The following GRAMD1B variants were observed in gnomAD, a reference collection of about 807,000 sequenced individuals.
GRAMD1B encodes GRAM domain containing 1B, also known as protein Aster-B.
Under a neutral mutation model 99.7 loss-of-function variants are expected in GRAMD1B, and 37 were observed. The ratio of observed to expected loss-of-function variants is 0.37; its 90% CI spans 0.29 to 0.49. The LOEUF (loss-of-function observed/expected upper bound fraction) is 0.49. Among genes scored for constraint, GRAMD1B ranks in the 20% least tolerant of loss-of-function variants. The pLI is 0.98. For missense variants in GRAMD1B, 888 were observed against 1,009.2 expected, an observed-to-expected ratio of 0.88 and a Z score of 1.63; for synonymous variants, 427 against 387.6, an observed-to-expected ratio of 1.10 and a Z score of -1.19.
intron 1 of GRAMD1B, among the ~76,000 whole-genome samples, chr11:123,369,430 T>A (rs1946442423): frequency 6.6e-6 from 1 of 151,936 alleles, no homozygotes; most frequent in South Asian, 2.1e-4. Flanking sequence ...GGTAACAGAA[T>A]CTAGCAAAAA....
At chr11:123,432,589 G>A (rs1440290734) in intron 1 of GRAMD1B, among the ~76,000 whole-genome samples, 1 of 151,706 alleles carries the variant, frequency 6.6e-6, no homozygotes, top group Non-Finnish European at 1.5e-5. Flanking sequence ...ACCTGTGGGA[G>A]CCATTGGAAA....
intron 1 of GRAMD1B, among the ~76,000 whole-genome samples, chr11:123,369,046 G>A (rs1046016725): frequency 2.0e-5 from 3 of 152,304 alleles, no homozygotes; most frequent in Non-Finnish European, 4.4e-5. Flanking sequence ...TGTAATCCCA[G>A]CACTTTGGGA....
chr11:123,448,944 C>T (rs1159612528), intron 1 of GRAMD1B, among the ~76,000 whole-genome samples: 5 of 152,184 alleles, frequency 3.3e-5, no homozygotes, highest in Non-Finnish European at 5.9e-5. Flanking sequence ...CTTCTGTTCC[C>T]CTCCTGCTTC....
chr11:123,420,866 C>A (rs117035403), intron 1 of GRAMD1B, among the ~76,000 whole-genome samples: 2,379 of 152,294 alleles, frequency 0.016, 30 homozygotes, highest in Middle Eastern at 0.048. Flanking sequence ...TAACACTTAC[C>A]TCACAGGATT....
intron 3 of GRAMD1B, among the ~76,000 whole-genome samples, chr11:123,580,283 G>A (rs933945117): frequency 1.3e-5 from 2 of 152,224 alleles, no homozygotes; most frequent in African/African-American, 4.8e-5. Flanking sequence ...AGGGCCTGAA[G>A]TAGATGGTGC....
At chr11:123,583,754 A>G (rs989641008) in intron 3 of GRAMD1B, among the ~76,000 whole-genome samples, 2 of 152,166 alleles carry the variant, frequency 1.3e-5, no homozygotes, top group Admixed American at 6.5e-5. Context: ...TGCCCCACGC[A>G]GAACCCCCAG....
chr11:123,576,318 G>A (rs966729617), intron 2 of GRAMD1B, among the ~76,000 whole-genome samples: 4 of 152,208 alleles, frequency 2.6e-5, no homozygotes, highest in African/African-American at 7.2e-5. Context: ...TGCTGAGCAG[G>A]TGGGCAGGAC....
At chr11:123,440,133 G>A (rs1184121802) in intron 1 of GRAMD1B, among the ~76,000 whole-genome samples, 2 of 152,184 alleles carry the variant, frequency 1.3e-5, no homozygotes, top group African/African-American at 4.8e-5. Context: ...GAGTCTTCAA[G>A]CTTGTTGTCT....
intron 1 of GRAMD1B, among the ~76,000 whole-genome samples, chr11:123,391,299 C>A (rs1243202180): frequency 1.2e-4 from 18 of 152,124 alleles, no homozygotes; most frequent in African/African-American, 3.9e-4. Flanking sequence ...CTTACTCTTT[C>A]TCTCACCATT....
At chr11:123,405,318 C>T (rs1947818303) in intron 1 of GRAMD1B, among the ~76,000 whole-genome samples, 1 of 152,168 alleles carries the variant, frequency 6.6e-6, no homozygotes, top group Admixed American at 6.5e-5. Context: ...GACCCAACCA[C>T]TTGTCCTGCT....
intron 3 of GRAMD1B, among the ~76,000 whole-genome samples, chr11:123,583,622 C>T (rs1400445636): frequency 1.3e-5 from 2 of 152,144 alleles, no homozygotes; most frequent in African/African-American, 4.8e-5. Flanking sequence ...TCCCCTTCCT[C>T]CTGGGTCTGG....
intron 2 of GRAMD1B, among the ~76,000 whole-genome samples, chr11:123,488,050 T>C (rs1289202913): frequency 1.3e-5 from 2 of 152,208 alleles, no homozygotes; most frequent in African/African-American, 4.8e-5. Flanking sequence ...GATCAAGATT[T>C]GGGCATTCAG....
intron 2 of GRAMD1B, among the ~76,000 whole-genome samples, chr11:123,501,950 C>T (rs1252163097): frequency 6.6e-6 from 1 of 152,224 alleles, no homozygotes; most frequent in Admixed American, 6.5e-5. Context: ...GAGCTGTTGT[C>T]TTACCTTTCT....
intron 1 of GRAMD1B, among the ~76,000 whole-genome samples, chr11:123,375,527 TC>T (rs1462749441): frequency 6.6e-6 from 1 of 152,180 alleles, no homozygotes. Context: ...TTACTTTCCA[TC>T]CCCAAATGGC....
chr11:123,368,367 G>A (rs1311905351), intron 1 of GRAMD1B, among the ~76,000 whole-genome samples: 3 of 150,938 alleles, frequency 2.0e-5, no homozygotes, highest in African/African-American at 7.3e-5. Flanking sequence ...GAGATAAAAT[G>A]TACTGAAAAG....
chr11:123,452,841 T>C (rs569864609), intron 1 of GRAMD1B, among the ~76,000 whole-genome samples: 1 of 152,308 alleles, frequency 6.6e-6, no homozygotes, highest in East Asian at 1.9e-4. Flanking sequence ...GCTTCTCTTC[T>C]CCCTTTTTGC....
Position 123,627,220 on chromosome 11 carries a change from G to C in GRAMD1B, c.*4625G>C, listed in dbSNP as rs945896085. On this transcript the variant is annotated 3_prime_UTR_variant, in exon 20 of 20. Coordinates refer to ENST00000635736, the MANE Select transcript of GRAMD1B (RefSeq NM_001387025.1). ...CAATAAGACATTGCAGAAGCAAAAG[G>C]GTGGCCTCTGCTCCAGGCAAGGCAG... 9.2e-5 allele frequency: 14 copies of C among 152,252 alleles called. No homozygotes were observed. The highest frequency in any genetic ancestry group is 3.4e-4 in the African/African-American group (14 of 41,454). 9.4% of individuals were successfully genotyped at this position (152,252 alleles called of 1,614,324 possible). A position where few individuals can be genotyped will look rare whatever the true frequency, so the allele number is the denominator to read the frequency against.
At chr11:123,558,170 G>T (rs1946355672) in intron 2 of GRAMD1B, among the ~76,000 whole-genome samples, 1 of 151,690 alleles carries the variant, frequency 6.6e-6, no homozygotes, top group South Asian at 2.1e-4. Context: ...TTTTAGTAGA[G>T]ATGGGGTTTC....
intron 2 of GRAMD1B, among the ~76,000 whole-genome samples, chr11:123,546,016 G>A (rs370969783): frequency 1.3e-5 from 2 of 152,228 alleles, no homozygotes; most frequent in African/African-American, 4.8e-5. Context: ...AGGCAATGTG[G>A]ACAGCATCGG....
Sources: gnomAD v4.1 joint callset for allele counts (sites outside exome capture counted in the v4.1 genomes callset) on GRCh38, gnomAD v4.1.1 for gene constraint, MANE v1.5 for transcripts, NCBI Gene and HGNC (gene_info 2026-07-23, HGNC 2026-07-21) for gene names.